The following GALNT13 variants were observed in gnomAD, a reference collection of about 807,000 sequenced individuals.
GALNT13 encodes the protein UDP-GalNAc:polypeptide N-acetylgalactosaminyltransferase 13.
In GALNT13, 28 loss-of-function variants were observed where a neutral mutation model predicts 64.2. The ratio of observed to expected loss-of-function variants is 0.44; its 90% CI spans 0.32 to 0.60. The LOEUF is 0.60. Ranked by LOEUF, GALNT13 falls within the 20% of genes least tolerant of loss-of-function variation. The pLI, the probability that GALNT13 is intolerant of heterozygous loss-of-function variation, is 0.05. For missense variants in GALNT13, 577 were observed against 669.8 expected (o/e 0.86, Z 1.53); for synonymous variants, 214 against 224.6 (o/e 0.95, Z 0.42).
chr2:153,531,831 C>T, the GALNT13 span, among the ~76,000 whole-genome samples: 1 of 152,124 alleles, frequency 6.6e-6, no homozygotes, highest in Non-Finnish European at 1.5e-5. Flanking sequence ...AGTCCGAAAC[C>T]CAGCAGGACA....
At chr2:153,866,829 C>G in the GALNT13 span, among the ~76,000 whole-genome samples, 1 of 152,118 alleles carries the variant, frequency 6.6e-6, no homozygotes, top group African/African-American at 2.4e-5. Context: ...GGTTTATCAT[C>G]ATAAATGATG....
At chr2:153,116,276 A>G in the GALNT13 span, among the ~76,000 whole-genome samples, 5 of 152,196 alleles carry the variant, frequency 3.3e-5, no homozygotes, top group Admixed American at 6.5e-5. Flanking sequence ...CTTATTAAAA[A>G]TATGAAACAC....
At chr2:153,731,227 G>C in the GALNT13 span, among the ~76,000 whole-genome samples, 1 of 151,718 alleles carries the variant, frequency 6.6e-6, no homozygotes, top group South Asian at 2.1e-4. Flanking sequence ...GAAACTGGAG[G>C]CCATAATCCC....
chr2:153,662,020 T>A, the GALNT13 span, among the ~76,000 whole-genome samples: 6 of 152,148 alleles, frequency 3.9e-5, no homozygotes. Flanking sequence ...ATGTAGATCG[T>A]GCACTGCACA....
the GALNT13 span, among the ~76,000 whole-genome samples, chr2:153,800,127 G>A: frequency 6.9e-6 from 1 of 145,838 alleles, no homozygotes; most frequent in Non-Finnish European, 1.5e-5. Flanking sequence ...CAGAGAAATT[G>A]CAGGTTTGTT....
chr2:153,840,526 C>G, the GALNT13 span, among the ~76,000 whole-genome samples: 44,212 of 151,712 alleles, frequency 0.29, 7,012 homozygotes, highest in Middle Eastern at 0.43. Context: ...TTAATTTTTC[C>G]CATATGAAAG....
the GALNT13 span, among the ~76,000 whole-genome samples, chr2:153,505,803 G>A: frequency 3.3e-5 from 5 of 152,146 alleles, no homozygotes; most frequent in East Asian, 1.9e-4. Flanking sequence ...AGAATGTTCC[G>A]TGTGTTAATG....
the GALNT13 span, among the ~76,000 whole-genome samples, chr2:153,274,138 G>T: frequency 6.6e-6 from 1 of 152,118 alleles, no homozygotes; most frequent in Admixed American, 6.5e-5. Flanking sequence ...GGGAGGCGGA[G>T]GTGGCAGTGA....
At chr2:153,085,097 G>T in the GALNT13 span, among the ~76,000 whole-genome samples, 1 of 152,186 alleles carries the variant, frequency 6.6e-6, no homozygotes, top group Non-Finnish European at 1.5e-5. Flanking sequence ...TATGCAAAGA[G>T]ACTGGCACAT....
At chr2:153,756,448 G>A in the GALNT13 span, among the ~76,000 whole-genome samples, 3 of 151,976 alleles carry the variant, frequency 2.0e-5, no homozygotes, top group South Asian at 2.1e-4. Flanking sequence ...ATCAAACATC[G>A]ATTTCAGTTT....
chr2:154,269,906 G>GTGTATATATATATATATA lies in GALNT13; in HGVS notation c.975+10769_975+10770insGTATATATATATATATAT, dbSNP rs529424469. 1.6e-3 allele frequency among the ~76,000 whole-genome samples: 151 copies of GTGTATATATATATATATA among 96,848 alleles called. 14 individuals carry two copies. Among genetic ancestry groups the GTGTATATATATATATATA allele is most frequent in the Admixed American group, 9.0e-3 (71 of 7,864 alleles). The allele number at this position is 96,848 out of a possible 152,430, so 63.5% of individuals were successfully genotyped here. A position where few individuals can be genotyped will look rare whatever the true frequency, so the allele number is the denominator to read the frequency against. On this transcript the variant is annotated intron_variant, in intron 8 of 12. Transcript: ENST00000392825. The stretch of plus-strand genomic sequence containing the variant: ...GTCATATATATATTTATATATATGT[G>GTGTATATATATATATATA]TATATATATATATATATATTTCTAA...
chr2:153,650,346 G>A, the GALNT13 span, among the ~76,000 whole-genome samples: 2 of 151,970 alleles, frequency 1.3e-5, no homozygotes, highest in Admixed American at 6.6e-5. Flanking sequence ...TTTATTTTGA[G>A]CCTATGTGTG....
the GALNT13 span, among the ~76,000 whole-genome samples, chr2:153,146,716 T>C: frequency 6.6e-6 from 1 of 151,830 alleles, no homozygotes; most frequent in Non-Finnish European, 1.5e-5. Flanking sequence ...AAGATTCTGG[T>C]AGAAAAGACA....
Position 153,894,823 on chromosome 2 carries a change from A to G in GALNT13, c.-176-6113A>G, listed in dbSNP as rs945079113. ...AAATATGAGAGGACAAAAAGTTCAT[A>G]TATCTTTACTTCGGTAAGGTTTAGT... On this transcript the variant is annotated intron_variant, in intron 1 of 12. Transcript: ENST00000392825. Among the ~76,000 whole-genome samples, 4 of 152,150 alleles carry G rather than the reference A, an allele frequency of 2.6e-5. No individual in the cohort carries two copies. The South Asian group carries it at 8.3e-4, about 32-fold the overall frequency.
At chr2:153,816,455 T>C in the GALNT13 span, among the ~76,000 whole-genome samples, 8 of 152,258 alleles carry the variant, frequency 5.3e-5, no homozygotes, top group Admixed American at 2.0e-4. Context: ...CATGGAATGA[T>C]TTTCATGCCA....
At chr2:153,212,700 A>G in the GALNT13 span, among the ~76,000 whole-genome samples, 1 of 152,168 alleles carries the variant, frequency 6.6e-6, no homozygotes, top group African/African-American at 2.4e-5. Flanking sequence ...CTGAAATCCA[A>G]TCTCCTTGGC....
chr2:153,365,096 C>T, the GALNT13 span, among the ~76,000 whole-genome samples: 1 of 152,158 alleles, frequency 6.6e-6, no homozygotes, highest in Non-Finnish European at 1.5e-5. Flanking sequence ...CACACATCTA[C>T]AACCATCTGA....
chr2:153,939,920 G>C (rs1691215478), intron 2 of GALNT13, among the ~76,000 whole-genome samples: 2 of 152,142 alleles, frequency 1.3e-5, no homozygotes, highest in Non-Finnish European at 2.9e-5. Flanking sequence ...TGCACAATTA[G>C]TGAGTGTTGA....
chr2:153,931,066 AGTGT>A (rs59409947), intron 2 of GALNT13, among the ~76,000 whole-genome samples: 5,583 of 138,148 alleles, frequency 0.04, 135 homozygotes, highest in Non-Finnish European at 0.056. Context: ...TGTATTCCTA[AGTGT>A]GTGTGTGTGT....
Sources: gnomAD v4.1 joint callset for allele counts (sites outside exome capture counted in the v4.1 genomes callset) on GRCh38, gnomAD v4.1.1 for gene constraint, MANE v1.5 for transcripts, NCBI Gene and HGNC (gene_info 2026-07-23, HGNC 2026-07-21) for gene names.